Variants in OPHN1 observed in about 807,000 individuals in gnomAD.
OPHN1 encodes oligophrenin-1.
Under a neutral mutation model 60.7 loss-of-function variants are expected in OPHN1, and 11 were observed. The ratio of observed to expected loss-of-function variants is 0.18; its 90% confidence interval spans 0.11 to 0.30. The LOEUF (loss-of-function observed/expected upper bound fraction) is 0.30, where lower values mean the gene tolerates loss of function less well. Among genes scored for constraint, OPHN1 ranks in the 10% least tolerant of loss-of-function variants. The pLI, the probability that OPHN1 is intolerant of heterozygous loss-of-function variation, is 1.00. For synonymous variants in OPHN1, 226 were observed against 222.6 expected, an observed-to-expected ratio of 1.02 and a Z score of -0.14; for missense variants, 449 against 611.0, an observed-to-expected ratio of 0.73 and a Z score of 2.80.
chrX:68,183,663 T>TA (rs1272687948), intron 15 of OPHN1, among the ~76,000 whole-genome samples: 5 of 100,827 alleles, frequency 5.0e-5, no homozygotes, highest in Non-Finnish European at 8.1e-5. Flanking sequence ...GTCACATCTT[T>TA]AAAAAAAATA....
chrX:68,296,068 G>C (rs1028816748), intron 3 of OPHN1, among the ~76,000 whole-genome samples: 1 of 111,212 alleles, frequency 9.0e-6, no homozygotes, highest in African/African-American at 3.3e-5. Flanking sequence ...TAGCCTCCCA[G>C]TAGGGTCCCC....
intron 17 of OPHN1, chrX:68,112,509 C>G (rs747118326): frequency 3.6e-4 from 42 of 115,293 alleles, no homozygotes; most frequent in Non-Finnish European, 7.2e-4. Context: ...AACAAAGCTC[C>G]CTTGTTTCAA....
In OPHN1 at chrX:68,113,165, T is replaced by C; in HGVS notation, c.1420+16A>G. On this transcript the variant is annotated intron_variant, in intron 17 of 24. Coordinates refer to ENST00000355520, the MANE Select transcript of OPHN1 (RefSeq NM_002547.3). ...AAACTAGGACAACACAGTTAATTAGTAACATAAATACTTACTGGCAGCAGA... is the reference window on the plus strand; with the variant it reads ...AAACTAGGACAACACAGTTAATTAGCAACATAAATACTTACTGGCAGCAGA... The C allele has an allele frequency of 1.7e-6, 2 of 1,176,797 alleles. No homozygotes were observed. Among genetic ancestry groups the C allele is most frequent in the Non-Finnish European group, 2.3e-6 (2 of 864,427 alleles).
intron 2 of OPHN1, among the ~76,000 whole-genome samples, chrX:68,379,203 TG>T (rs2078580244): frequency 3.6e-5 from 4 of 111,097 alleles, no homozygotes; most frequent in Non-Finnish European, 7.5e-5. Context: ...CAATTGTGAA[TG>T]GGAGTTCACT....
chrX:68,353,247 C>A (rs915795272), intron 2 of OPHN1, among the ~76,000 whole-genome samples: 26 of 108,636 alleles, frequency 2.4e-4, no homozygotes, highest in Non-Finnish European at 4.4e-4. Context: ...AGACATACTT[C>A]ATATACCATA....
rs974727969 is a variant in OPHN1 at position 68,045,687 on chromosome X, C to A, written c.*1485G>T. ...GAAATGTCCATTCCTCAGATTTCTG[C>A]CCCATTACACCAATTTTTAGGTCCT... On this transcript the variant is annotated 3_prime_UTR_variant, in exon 25 of 25. Transcript: ENST00000355520. 2.7e-5 allele frequency: 3 copies of A among 112,099 alleles called. No individual in the cohort carries two copies. The highest frequency in any genetic ancestry group is 5.6e-5 in the Non-Finnish European group (3 of 53,237). The allele number at this position is 112,099 out of a possible 1,213,427, so 9.2% of individuals were successfully genotyped here.
chrX:68,430,433 G>A (rs2078880217), intron 2 of OPHN1, among the ~76,000 whole-genome samples: 1 of 111,718 alleles, frequency 9.0e-6, no homozygotes, highest in Non-Finnish European at 1.9e-5. Flanking sequence ...CAAATTTCAA[G>A]GAGCCCCTAA....
chrX:68,103,709 A>AAT (rs2077069558), intron 18 of OPHN1, among the ~76,000 whole-genome samples: 1 of 110,630 alleles, frequency 9.0e-6, no homozygotes, highest in Non-Finnish European at 1.9e-5. Context: ...ACCCACAGCC[A>AAT]ATATTATATT....
chrX:68,171,374 A>G (rs2077390438), intron 15 of OPHN1, among the ~76,000 whole-genome samples: 1 of 112,360 alleles, frequency 8.9e-6, no homozygotes, highest in Non-Finnish European at 1.9e-5. Flanking sequence ...GTGAGACAAT[A>G]TTTGGAAAAC....
intron 11 of OPHN1, among the ~76,000 whole-genome samples, chrX:68,200,319 A>G (rs1216484686): frequency 8.9e-6 from 1 of 112,013 alleles, no homozygotes; most frequent in Non-Finnish European, 1.9e-5. Flanking sequence ...AGGATAAGAA[A>G]AAAACACTTA....
At chrX:68,173,394 A>G (rs531368473) in intron 15 of OPHN1, among the ~76,000 whole-genome samples, 2 of 111,779 alleles carry the variant, frequency 1.8e-5, no homozygotes, top group South Asian at 7.5e-4. Flanking sequence ...CTTTTCTCCC[A>G]GTTAAGCCTC....
At chrX:68,292,024 G>A (rs1343917128) in intron 3 of OPHN1, among the ~76,000 whole-genome samples, 1 of 111,605 alleles carries the variant, frequency 9.0e-6, no homozygotes, top group African/African-American at 3.3e-5. Flanking sequence ...GAAATTGAAT[G>A]CTATACAGGA....
At chrX:68,418,932 G>A (rs184813316) in intron 2 of OPHN1, among the ~76,000 whole-genome samples, 1,162 of 111,058 alleles carry the variant, frequency 0.01, 25 homozygotes, top group Admixed American at 0.072. Context: ...CTCCATTTAA[G>A]GATGAAACTG....
intron 2 of OPHN1, among the ~76,000 whole-genome samples, chrX:68,317,481 G>C (rs188169710): frequency 6.6e-4 from 54 of 81,794 alleles, no homozygotes; most frequent in South Asian, 2.4e-3. Flanking sequence ...GGAGGAGGAA[G>C]GGAGAGAGGG....
chrX:68,169,187 C>A (rs556953318), intron 15 of OPHN1, among the ~76,000 whole-genome samples: 2 of 111,234 alleles, frequency 1.8e-5, no homozygotes, highest in South Asian at 7.6e-4. Context: ...ACAATTGCTT[C>A]AAAGAGAATA....
At chrX:68,206,114 AAGAG>A (rs2077558507) in intron 10 of OPHN1, among the ~76,000 whole-genome samples, 1 of 110,302 alleles carries the variant, frequency 9.1e-6, no homozygotes, top group South Asian at 3.9e-4. Flanking sequence ...AGGGCAGAAA[AAGAG>A]AGATTAACTG....
chrX:68,076,986 T>A (rs757214552), intron 19 of OPHN1, among the ~76,000 whole-genome samples: 2 of 111,716 alleles, frequency 1.8e-5, no homozygotes, highest in Non-Finnish European at 3.8e-5. Context: ...AGTGGTTGCC[T>A]TAGGTGAAGA....
At chrX:68,376,333 A>C (rs1024492184) in intron 2 of OPHN1, among the ~76,000 whole-genome samples, 2 of 111,802 alleles carry the variant, frequency 1.8e-5, no homozygotes, top group Non-Finnish European at 3.8e-5. Flanking sequence ...GAAGCTGAGG[A>C]TGTGAACTTA....
chrX:68,245,874 G>A (rs979212773), intron 5 of OPHN1, among the ~76,000 whole-genome samples: 6 of 111,777 alleles, frequency 5.4e-5, no homozygotes, highest in Admixed American at 1.9e-4. Context: ...TGCAATCTCC[G>A]CTCACCACAA....
Sources: allele counts gnomAD v4.1 joint callset (sites outside exome capture counted in the v4.1 genomes callset), GRCh38; gene constraint gnomAD v4.1.1; transcripts MANE v1.5; gene names NCBI Gene and HGNC (gene_info 2026-07-23, HGNC 2026-07-21).